Variants in KSR2 observed in about 807,000 individuals in gnomAD.
KSR2 encodes kinase suppressor of ras 2.
Under a neutral mutation model 107.8 loss-of-function variants are expected in KSR2, and 25 were observed. That is an observed-to-expected ratio of 0.23 (90% CI 0.17 to 0.32). The LOEUF (loss-of-function observed/expected upper bound fraction) is 0.32, where lower values mean the gene tolerates loss of function less well. Among genes scored for constraint, KSR2 ranks in the 10% least tolerant of loss-of-function variants. The pLI is 1.00. For synonymous variants in KSR2, 480 were observed against 507.0 expected, an observed-to-expected ratio of 0.95 and a Z score of 0.71; for missense variants, 887 against 1,268.9, an observed-to-expected ratio of 0.70 and a Z score of 4.57.
At chr12:117,563,444 C>T (rs1878254318) in intron 7 of KSR2, among the ~76,000 whole-genome samples, 1 of 152,184 alleles carries the variant, frequency 6.6e-6, no homozygotes, top group Non-Finnish European at 1.5e-5. Context: ...CTTGGGCAAG[C>T]TGCCGATCCA....
intron 14 of KSR2, among the ~76,000 whole-genome samples, chr12:117,509,119 C>T (rs1244541093): frequency 5.9e-5 from 9 of 152,030 alleles, no homozygotes; most frequent in Admixed American, 5.9e-4. Flanking sequence ...CAAACAGGTC[C>T]AGACAAGGAG....
At chr12:117,510,569 T>C (rs192616532) in intron 14 of KSR2, among the ~76,000 whole-genome samples, 1 of 152,132 alleles carries the variant, frequency 6.6e-6, no homozygotes, top group African/African-American at 2.4e-5. Context: ...TGTGATACAG[T>C]GCTAGCAGTA....
intron 5 of KSR2, among the ~76,000 whole-genome samples, chr12:117,663,476 A>G (rs1288614992): frequency 6.6e-6 from 1 of 152,198 alleles, no homozygotes; most frequent in Non-Finnish European, 1.5e-5. Context: ...CATGGTTTTC[A>G]TCATTGTTGC....
intron 4 of KSR2, among the ~76,000 whole-genome samples, chr12:117,751,034 T>G (rs1053348633): frequency 6.6e-6 from 1 of 152,226 alleles, no homozygotes. Flanking sequence ...TCTTGAATTA[T>G]AGTTCTCATA....
intron 18 of KSR2, among the ~76,000 whole-genome samples, chr12:117,470,227 TCC>T (rs1365508098): frequency 6.6e-5 from 8 of 121,278 alleles, no homozygotes; most frequent in East Asian, 5.3e-4. Flanking sequence ...CATCCATCCA[TCC>T]GGCATGTATC....
chr12:117,615,894 A>G (rs551848404), intron 5 of KSR2, among the ~76,000 whole-genome samples: 1 of 152,288 alleles, frequency 6.6e-6, no homozygotes, highest in East Asian at 1.9e-4. Flanking sequence ...CAGATTTTAA[A>G]CAGATCCCAG....
chr12:117,605,129 G>A (rs759278070), intron 5 of KSR2, among the ~76,000 whole-genome samples: 1 of 152,142 alleles, frequency 6.6e-6, no homozygotes, highest in Admixed American at 6.5e-5. Context: ...GGCTCTCAGG[G>A]GATTTTGGCC....
chr12:117,797,015 GCCCCTGAT>G (rs1350322357), intron 3 of KSR2, among the ~76,000 whole-genome samples: 2 of 152,292 alleles, frequency 1.3e-5, no homozygotes, highest in East Asian at 3.9e-4. Flanking sequence ...AGCCAACCCA[GCCCCTGAT>G]CCCCAGAGCT....
intron 3 of KSR2, among the ~76,000 whole-genome samples, chr12:117,839,698 C>T (rs149398893): frequency 5.3e-5 from 8 of 152,270 alleles, no homozygotes; most frequent in East Asian, 1.9e-4. Flanking sequence ...AAATCCTCCC[C>T]GCAGTGGTCA....
At chr12:117,698,282 C>T (rs1415845502) in intron 4 of KSR2, among the ~76,000 whole-genome samples, 7 of 152,076 alleles carry the variant, frequency 4.6e-5, no homozygotes, top group African/African-American at 9.7e-5. Context: ...AGTTGAACTC[C>T]CGAGACGTCC....
At chr12:117,594,374 C>G (rs1005835213) in intron 5 of KSR2, among the ~76,000 whole-genome samples, 2 of 152,194 alleles carry the variant, frequency 1.3e-5, no homozygotes, top group Non-Finnish European at 1.5e-5. Flanking sequence ...CTCTCAGTTT[C>G]CTGAGACTTA....
At chr12:117,496,526 C>T (rs1412775143) in intron 14 of KSR2, among the ~76,000 whole-genome samples, 2 of 152,208 alleles carry the variant, frequency 1.3e-5, no homozygotes, top group Non-Finnish European at 2.9e-5. Context: ...TCTGCCAGAT[C>T]AGCCAACTCC....
chr12:117,852,107 G>T (rs1395261039), intron 3 of KSR2, among the ~76,000 whole-genome samples: 1 of 151,884 alleles, frequency 6.6e-6, no homozygotes, highest in African/African-American at 2.4e-5. Flanking sequence ...TGTCCATCTG[G>T]ATCAAAAAAA....
chr12:117,752,631 T>C (rs527402458), intron 4 of KSR2, among the ~76,000 whole-genome samples: 3 of 152,352 alleles, frequency 2.0e-5, no homozygotes, highest in South Asian at 2.1e-4. Context: ...TTATTTTGCT[T>C]GTATTTTCAA....
intron 9 of KSR2, among the ~76,000 whole-genome samples, chr12:117,540,221 C>T (rs1340198207): frequency 1.3e-5 from 2 of 152,128 alleles, no homozygotes; most frequent in Non-Finnish European, 2.9e-5. Context: ...GTCCAGAGTA[C>T]CCCTCCCATC....
intron 5 of KSR2, among the ~76,000 whole-genome samples, chr12:117,618,740 T>C (rs1882013874): frequency 6.6e-6 from 1 of 152,124 alleles, no homozygotes; most frequent in African/African-American, 2.4e-5. Flanking sequence ...TGTAAGAATG[T>C]AAGACGTGCC....
intron 1 of KSR2, among the ~76,000 whole-genome samples, chr12:117,883,380 T>C (rs1834923946): frequency 6.6e-6 from 1 of 152,188 alleles, no homozygotes; most frequent in African/African-American, 2.4e-5. Context: ...ACATAGTAGA[T>C]GACGAAAAGT....
intron 1 of KSR2, among the ~76,000 whole-genome samples, chr12:117,956,866 A>G (rs1383138475): frequency 6.6e-6 from 1 of 152,222 alleles, no homozygotes; most frequent in Admixed American, 6.5e-5. Context: ...CCGTTGGTCA[A>G]TGGCCACATG....
chr12:117,576,355 T>G (rs1421468634), intron 7 of KSR2, among the ~76,000 whole-genome samples: 1 of 152,216 alleles, frequency 6.6e-6, no homozygotes, highest in African/African-American at 2.4e-5. Flanking sequence ...TCAGTCAGCC[T>G]GGAGGCCAGA....
Sources: allele counts gnomAD v4.1 joint callset (sites outside exome capture counted in the v4.1 genomes callset), GRCh38; gene constraint gnomAD v4.1.1; transcripts MANE v1.5; gene names NCBI Gene and HGNC (gene_info 2026-07-23, HGNC 2026-07-21).